Variants in GKAP1 observed in about 807,000 individuals in gnomAD.
The protein encoded by GKAP1 is G kinase anchoring protein 1, also known as G kinase-anchoring protein 1.
GKAP1 carries 31 observed loss-of-function variants against 56.7 expected under a neutral mutation model. The ratio of observed to expected loss-of-function variants is 0.55; its 90% CI spans 0.41 to 0.74. The LOEUF (loss-of-function observed/expected upper bound fraction) is 0.74. GKAP1 is among the 30% of genes least tolerant of loss of function. The pLI is 0.00. For synonymous variants in GKAP1, 151 were observed against 138.6 expected, an observed-to-expected ratio of 1.09 and a Z score of -0.63; for missense variants, 364 against 402.3, an observed-to-expected ratio of 0.90 and a Z score of 0.82.
At chr9:83,789,252 T>C (rs1944115263) in intron 4 of GKAP1, 1 of 152,214 alleles carries the variant, frequency 6.6e-6, no homozygotes, top group African/African-American at 2.4e-5. Flanking sequence ...CTTTGTGATA[T>C]ATATTTGTTT....
In GKAP1 at chr9:83,786,497, C is replaced by A. The variant is rs896446091; in HGVS notation, c.439-1659G>T. 3.1e-4 allele frequency among the ~76,000 whole-genome samples: 46 copies of A among 150,618 alleles called. 1 individual carries two copies. Among genetic ancestry groups the A allele is most frequent in the Admixed American group, 2.1e-3 (31 of 15,044 alleles). On this transcript the variant is annotated intron_variant, in intron 5 of 12. Transcript: ENST00000376371. ...CGGGGGTTGTGGTGAACCGAGATTG[C>A]GCCATTACACTACAGCCTGGGCAAC...
rs1943170134 is a variant in GKAP1 at position 83,739,442 on chromosome 9, T to G, written c.*255A>C. 3.0e-6 allele frequency: 1 copy of G among 337,194 alleles called. No individual in the cohort carries two copies. Among genetic ancestry groups the G allele is most frequent in the Admixed American group, 4.5e-5 (1 of 22,068 alleles). The allele number at this position is 337,194 out of a possible 1,614,324, so 20.9% of individuals were successfully genotyped here. A position where few individuals can be genotyped will look rare whatever the true frequency, so the allele number is the denominator to read the frequency against. ...CATATTAGTGGAAGAGTAAATTAAT[T>G]TTATTGACTGATGAAAAACTAAAGT... On this transcript the variant is annotated 3_prime_UTR_variant, in exon 13 of 13. Transcript: ENST00000376371.
chr9:83,790,344 C>G (rs1343765620), intron 4 of GKAP1, among the ~76,000 whole-genome samples: 1 of 152,142 alleles, frequency 6.6e-6, no homozygotes, highest in Non-Finnish European at 1.5e-5. Context: ...ATCTTTTAGT[C>G]TTACTATATA....
chr9:83,771,209 C>A (rs1046965510), intron 7 of GKAP1, among the ~76,000 whole-genome samples: 1 of 151,014 alleles, frequency 6.6e-6, no homozygotes, highest in African/African-American at 2.4e-5. Flanking sequence ...ATTACAGGCA[C>A]ATGCCACCAC....
chr9:83,804,364 GC>G (rs1944393268), intron 3 of GKAP1, among the ~76,000 whole-genome samples: 1 of 100,198 alleles, frequency 1.0e-5, no homozygotes, highest in African/African-American at 4.5e-5. Context: ...TCAGCCCCCC[GC>G]CCGGCCAGCC....
chr9:83,783,517 A>G (rs950963091), intron 6 of GKAP1, among the ~76,000 whole-genome samples: 1 of 152,240 alleles, frequency 6.6e-6, no homozygotes, highest in African/African-American at 2.4e-5. Context: ...CACATTAAAT[A>G]TAATGTGCTT....
Position 83,768,916 on chromosome 9 carries a change from C to G in GKAP1, c.640G>C (p.Glu214Gln). The change falls in exon 8 of 13, where the codon GAA (glutamate) becomes CAA (glutamine). Residue 214 changes from glutamate (E) to glutamine (Q), a missense_variant. Transcript: ENST00000376371. ...ATAAGAATTTTATGAACATCATCTT[C>G]CAGTCTATTGAAGAATCCTCCATCA... ...SHDGGFFNRLEDDVHKILIRE... is the reference protein window; with the variant it reads ...SHDGGFFNRLQDDVHKILIRE... 1 of 1,610,854 alleles carries G rather than the reference C, an allele frequency of 6.2e-7. No individual in the cohort carries two copies. The highest frequency in any genetic ancestry group is 8.5e-7 in the Non-Finnish European group (1 of 1,178,206).
At chr9:83,785,500 C>T (rs577750054) in intron 5 of GKAP1, among the ~76,000 whole-genome samples, 23 of 152,310 alleles carry the variant, frequency 1.5e-4, no homozygotes, top group Admixed American at 7.2e-4. Context: ...TCTCACTACC[C>T]TGCCTTCCCC....
intron 3 of GKAP1, among the ~76,000 whole-genome samples, chr9:83,800,900 T>C (rs1384807995): frequency 6.6e-6 from 1 of 152,226 alleles, no homozygotes; most frequent in Non-Finnish European, 1.5e-5. Context: ...TAGCTCTGAA[T>C]CTATTCTGGT....
chr9:83,748,336 A>C lies in GKAP1; in HGVS notation c.877T>G (p.Leu293Val), dbSNP rs760140567. ...YKEVKARNAQ[L>V]LKMLQEGEMK... ...TCACCTTCCTGAAGCATTTTCAATAATTGTGCATTTCTTGCCTTTACTTCC... is the reference window on the plus strand; with the variant it reads ...TCACCTTCCTGAAGCATTTTCAATACTTGTGCATTTCTTGCCTTTACTTCC... The change falls in exon 10 of 13, where the codon TTA becomes GTA. Residue 293 changes from leucine to valine, a missense_variant. Transcript: ENST00000376371. The C allele has an allele frequency of 6.3e-7, 1 of 1,599,896 alleles. No homozygotes were observed. Among genetic ancestry groups the C allele is most frequent in the Non-Finnish European group, 8.5e-7 (1 of 1,171,890 alleles).
intron 2 of GKAP1, among the ~76,000 whole-genome samples, chr9:83,809,114 C>G (rs1944475347): frequency 6.6e-6 from 1 of 152,196 alleles, no homozygotes; most frequent in Non-Finnish European, 1.5e-5. Context: ...TCTTCCCATT[C>G]TAGGACTGAT....
At chr9:83,776,812 T>C (rs906961026) in intron 7 of GKAP1, among the ~76,000 whole-genome samples, 1 of 152,256 alleles carries the variant, frequency 6.6e-6, no homozygotes, top group African/African-American at 2.4e-5. Context: ...TGATCATTTA[T>C]CATAATTTTA....
chr9:83,745,834 A>T (rs112920733), intron 10 of GKAP1, among the ~76,000 whole-genome samples: 12,963 of 151,640 alleles, frequency 0.085, 690 homozygotes, highest in Non-Finnish European at 0.12. Context: ...TCTATCAGCC[A>T]GGATGGAGTG....
intron 3 of GKAP1, among the ~76,000 whole-genome samples, chr9:83,804,265 C>A (rs986177431): frequency 1.4e-5 from 2 of 145,714 alleles, no homozygotes; most frequent in Non-Finnish European, 1.5e-5. Flanking sequence ...CTCAGCCCCC[C>A]GCCCGGCCAG....
intron 3 of GKAP1, among the ~76,000 whole-genome samples, chr9:83,801,724 T>TA (rs1424060050): frequency 1.3e-5 from 2 of 152,224 alleles, no homozygotes. Context: ...TATATTTTCT[T>TA]ATTCTCTAAT....
chr9:83,767,718 T>G (rs1054689567), intron 8 of GKAP1, among the ~76,000 whole-genome samples: 3 of 152,178 alleles, frequency 2.0e-5, no homozygotes, highest in African/African-American at 7.2e-5. Flanking sequence ...AACACAGTCT[T>G]GCTCTGTCAC....
intron 6 of GKAP1, among the ~76,000 whole-genome samples, chr9:83,781,596 A>G (rs377246307): frequency 1.1e-4 from 16 of 152,274 alleles, no homozygotes; most frequent in Non-Finnish European, 2.1e-4. Context: ...AGATCAAACT[A>G]CCAAATCTTG....
At chr9:83,765,701 T>C (rs1434554235) in intron 8 of GKAP1, among the ~76,000 whole-genome samples, 1 of 152,202 alleles carries the variant, frequency 6.6e-6, no homozygotes, top group Non-Finnish European at 1.5e-5. Flanking sequence ...GTTTAATGAC[T>C]GCCCTTTTGG....
At chr9:83,786,367 AC>A (rs1360218336) in intron 5 of GKAP1, among the ~76,000 whole-genome samples, 2 of 151,882 alleles carry the variant, frequency 1.3e-5, no homozygotes, top group Non-Finnish European at 1.5e-5. Context: ...ACATGGAGAA[AC>A]CCCGTCTCTA....
Sources: gnomAD v4.1 joint callset for allele counts (sites outside exome capture counted in the v4.1 genomes callset) on GRCh38, gnomAD v4.1.1 for gene constraint, MANE v1.5 for transcripts, NCBI Gene and HGNC (gene_info 2026-07-23, HGNC 2026-07-21) for gene names.